The following CCDC126 variants were observed in gnomAD, a reference collection of about 807,000 sequenced individuals.
CCDC126 encodes the protein coiled-coil domain containing 126.
CCDC126 carries 5 observed loss-of-function variants against 11.7 expected under a neutral mutation model. That is an observed-to-expected ratio of 0.43 (90% confidence interval 0.22 to 0.90). The LOEUF (loss-of-function observed/expected upper bound fraction) is 0.90, where lower values mean the gene tolerates loss of function less well. Ranked by LOEUF, CCDC126 falls within the 40% of genes least tolerant of loss-of-function variation. CCDC126 has a pLI of 0.27. For missense variants in CCDC126, 150 were observed against 163.1 expected, an observed-to-expected ratio of 0.92 and a Z score of 0.44; for synonymous variants, 60 against 61.9, an observed-to-expected ratio of 0.97 and a Z score of 0.14.
chr7:23,617,450 T>G (rs1269579665), intron 3 of CCDC126, among the ~76,000 whole-genome samples: 1 of 152,138 alleles, frequency 6.6e-6, no homozygotes, highest in African/African-American at 2.4e-5. Flanking sequence ...CGTTTTTATG[T>G]TTCTTCCAAA....
Position 23,643,273 on chromosome 7 carries a change from C to T in CCDC126, c.*158C>T. The T allele has an allele frequency of 1.6e-6, 1 of 639,054 alleles. No individual in the cohort carries two copies. The highest frequency in any genetic ancestry group is 3.5e-5 in the Admixed American group (1 of 28,676). 39.6% of individuals were successfully genotyped at this position (639,054 alleles called of 1,614,324 possible). ...GGATTCATGGAACTCTAATTCTGTA[C>T]ATAAAAATTTTAAAGTTATTTGTTT... On this transcript the variant is annotated 3_prime_UTR_variant, in exon 4 of 4. Transcript: ENST00000307471.
chr7:23,636,743 G>C (rs974190478), intron 3 of CCDC126, among the ~76,000 whole-genome samples: 1 of 148,038 alleles, frequency 6.8e-6, no homozygotes, highest in Admixed American at 6.6e-5. Flanking sequence ...GTCTCCGCCC[G>C]GCAGCCACCC....
intron 3 of CCDC126, chr7:23,622,476 A>G (rs981447863): frequency 2.6e-5 from 11 of 431,334 alleles, no homozygotes; most frequent in African/African-American, 1.0e-4. Context: ...TCTGATACCA[A>G]CTTTATCAAC....
chr7:23,606,945 A>T (rs1782633955), intron 2 of CCDC126, among the ~76,000 whole-genome samples: 1 of 151,988 alleles, frequency 6.6e-6, no homozygotes, highest in African/African-American at 2.4e-5. Flanking sequence ...AAAAAGTACA[A>T]AAATTAGCTA....
Position 23,634,614 on chromosome 7 carries a change from G to A in CCDC126, c.239-8317G>A, listed in dbSNP as rs138598669. On this transcript the variant is annotated intron_variant, in intron 3 of 3. Coordinates refer to ENST00000307471, the MANE Select transcript of CCDC126 (RefSeq NM_138771.4). Reference sequence around the variant, plus strand: ...TCTCTGTTCTATTTCTCAAGGAAGAGTGAGCGATTCCAGTAGGTGGCATTT... The same window carrying A: ...TCTCTGTTCTATTTCTCAAGGAAGAATGAGCGATTCCAGTAGGTGGCATTT... Among the ~76,000 whole-genome samples the A allele has an allele frequency of 3.2e-4, 48 of 152,346 alleles. No individual in the cohort carries two copies. The East Asian group carries it at 6.9e-3, about 22-fold the overall frequency.
At chr7:23,640,553 A>G (rs1430166260) in intron 3 of CCDC126, among the ~76,000 whole-genome samples, 1 of 152,166 alleles carries the variant, frequency 6.6e-6, no homozygotes, top group Non-Finnish European at 1.5e-5. Flanking sequence ...TTATATTCAC[A>G]GTGTTGTGCA....
chr7:23,603,396 C>T (rs1021126817), intron 2 of CCDC126, among the ~76,000 whole-genome samples: 30 of 152,180 alleles, frequency 2.0e-4, no homozygotes, highest in African/African-American at 7.2e-4. Flanking sequence ...TTTCTGGTTA[C>T]ATTCTTTTAA....
chr7:23,611,234 T>TA lies in CCDC126; in HGVS notation c.-82_-81insA. On this transcript the variant is annotated 5_prime_UTR_variant, in exon 3 of 4. Transcript: ENST00000307471. ...ATATACAATATTGAGGATATTTTTT[T>TA]CTTTTTTTTTTCAAGTCTTGATTTG... 7 of 817,986 alleles carry TA rather than the reference T, an allele frequency of 8.6e-6. No homozygotes were observed. The highest frequency in any genetic ancestry group is 1.4e-5 in the Non-Finnish European group (7 of 487,426). 50.7% of individuals were successfully genotyped at this position (817,986 alleles called of 1,614,324 possible).
chr7:23,610,414 A>G (rs1446024066), intron 2 of CCDC126, among the ~76,000 whole-genome samples: 2 of 152,022 alleles, frequency 1.3e-5, no homozygotes, highest in African/African-American at 2.4e-5. Context: ...AGGTCTTCCT[A>G]TGTTGATCAG....
intron 3 of CCDC126, among the ~76,000 whole-genome samples, chr7:23,636,845 A>G (rs1783234062): frequency 1.1e-5 from 1 of 91,552 alleles, no homozygotes; most frequent in Non-Finnish European, 2.2e-5. Flanking sequence ...GGCCGCCCCT[A>G]CTGGAAAGTG....
chr7:23,634,505 T>C (rs1172732301), intron 3 of CCDC126, among the ~76,000 whole-genome samples: 2 of 152,132 alleles, frequency 1.3e-5, no homozygotes, highest in Admixed American at 1.3e-4. Context: ...ACATGTGACA[T>C]AAGTAGGGGG....
rs1782850704 is a variant in CCDC126 at position 23,619,387 on chromosome 7, C to T, written c.238+7834C>T. On this transcript the variant is annotated intron_variant, in intron 3 of 3. Coordinates refer to ENST00000307471, the MANE Select transcript of CCDC126 (RefSeq NM_138771.4). ...TGCAACCATGAAGCGCATGCTTAAACTCAGAGATCAGAGGCTTAAAGAAAA... is the reference window on the plus strand; with the variant it reads ...TGCAACCATGAAGCGCATGCTTAAATTCAGAGATCAGAGGCTTAAAGAAAA... 3 of 402,916 alleles carry T rather than the reference C, an allele frequency of 7.4e-6. No homozygotes were observed. In the Admixed American group the frequency reaches 8.7e-5, roughly 12 times the overall value. The allele number at this position is 402,916 out of a possible 1,614,324, so 25.0% of individuals were successfully genotyped here.
At chr7:23,600,379 C>CCG (rs1782518087) in intron 2 of CCDC126, among the ~76,000 whole-genome samples, 2 of 125,872 alleles carry the variant, frequency 1.6e-5, no homozygotes, top group Non-Finnish European at 3.2e-5. Flanking sequence ...TGTTAACCCC[C>CCG]CCCCCCCCAC....
At position 23,611,178 on chromosome 7, in the gene CCDC126, A is replaced by G; in HGVS notation, c.-138A>G. The G allele has an allele frequency of 1.6e-6, 1 of 636,050 alleles. No individual in the cohort carries two copies. Among genetic ancestry groups the G allele is most frequent in the South Asian group, 1.9e-5 (1 of 52,830 alleles). The allele number at this position is 636,050 out of a possible 1,614,324, so 39.4% of individuals were successfully genotyped here. A position where few individuals can be genotyped will look rare whatever the true frequency, so the allele number is the denominator to read the frequency against. On this transcript the variant is annotated 5_prime_UTR_variant, in exon 3 of 4. The change creates a new upstream start codon in the 5' untranslated region. Coordinates refer to ENST00000307471, the MANE Select transcript of CCDC126 (RefSeq NM_138771.4). ...TTCTTCTTAATTTTACAGAGTTAAT[A>G]GAGTGGATACAACCTTGCTGAAGAT...
intron 2 of CCDC126, among the ~76,000 whole-genome samples, chr7:23,606,285 CCT>C (rs763331680): frequency 1.3e-5 from 2 of 152,072 alleles, no homozygotes; most frequent in Non-Finnish European, 2.9e-5. Context: ...GTCTCGATCT[CCT>C]GACCTCGTGA....
chr7:23,605,057 T>C (rs2128014404), intron 2 of CCDC126, among the ~76,000 whole-genome samples: 1 of 150,868 alleles, frequency 6.6e-6, no homozygotes, highest in Non-Finnish European at 1.5e-5. Context: ...GGGATAGGAA[T>C]TGGAGTGCAA....
chr7:23,627,802 C>T (rs1783041061), intron 3 of CCDC126, among the ~76,000 whole-genome samples: 1 of 151,962 alleles, frequency 6.6e-6, no homozygotes, highest in South Asian at 2.1e-4. Context: ...CTCTGTTGCC[C>T]AGGCTGATCT....
At chr7:23,627,754 A>C (rs2128019671) in intron 3 of CCDC126, among the ~76,000 whole-genome samples, 1 of 151,566 alleles carries the variant, frequency 6.6e-6, no homozygotes, top group South Asian at 2.1e-4. Flanking sequence ...GTGCACCAAA[A>C]CACACAGCCA....
chr7:23,635,246 G>A (rs1353966377), intron 3 of CCDC126, among the ~76,000 whole-genome samples: 1 of 152,190 alleles, frequency 6.6e-6, no homozygotes, highest in Non-Finnish European at 1.5e-5. Context: ...TTTGTCGAGT[G>A]TCTACTGTGT....
Sources: gnomAD v4.1 joint callset for allele counts (sites outside exome capture counted in the v4.1 genomes callset) on GRCh38, gnomAD v4.1.1 for gene constraint, MANE v1.5 for transcripts, NCBI Gene and HGNC (gene_info 2026-07-23, HGNC 2026-07-21) for gene names.